The following EYS variants were observed in gnomAD, a reference collection of about 807,000 sequenced individuals.
The protein encoded by EYS is EGF-like photoreceptor maintenance factor.
EYS carries 250 observed loss-of-function variants against 282.1 expected under a neutral mutation model. The ratio of observed to expected loss-of-function variants is 0.89; its 90% CI spans 0.80 to 0.98. The LOEUF is 0.98. EYS is among the 50% of genes least tolerant of loss of function. The probability of loss-of-function intolerance (pLI) is 0.00; values close to 1 mark genes in which losing one functional copy is unlikely to be tolerated. For synonymous variants in EYS, 1,355 were observed against 1,282.9 expected (o/e 1.06, Z -1.20); for missense variants, 4,016 against 3,709.0 (o/e 1.08, Z -2.15).
At position 65,184,543 on chromosome 6, in the gene EYS, G is replaced by A. The variant is rs541033577; in HGVS notation, c.2023+111320C>T. On this transcript the variant is annotated intron_variant, in intron 12 of 42. Transcript: ENST00000503581. The stretch of plus-strand genomic sequence containing the variant: ...TCAAACAAATAAACAGCAACAAACC[G>A]AGAACAAATATATAAATCCTGATTT... Among the ~76,000 whole-genome samples the A allele has an allele frequency of 6.6e-5, 10 of 150,388 alleles. No homozygotes were observed. In the South Asian group the frequency reaches 1.1e-3, roughly 16 times the overall value.
chr6:64,476,750 C>G (rs147644943), intron 26 of EYS, among the ~76,000 whole-genome samples: 70 of 152,152 alleles, frequency 4.6e-4, no homozygotes, highest in African/African-American at 1.6e-3. Context: ...AGGGAACACA[C>G]AAGCATATTT....
chr6:64,163,933 A>G (rs1775188100), intron 31 of EYS, among the ~76,000 whole-genome samples: 3 of 152,132 alleles, frequency 2.0e-5, no homozygotes, highest in Admixed American at 2.0e-4. Context: ...CACATCAGAA[A>G]AAGACCAATT....
At chr6:65,397,314 T>C (rs1459062966) in intron 7 of EYS, among the ~76,000 whole-genome samples, 1 of 151,964 alleles carries the variant, frequency 6.6e-6, no homozygotes, top group Non-Finnish European at 1.5e-5. Flanking sequence ...AGTGTACCCA[T>C]AACCCGAATA....
chr6:64,800,086 G>A (rs1774491643), intron 22 of EYS, among the ~76,000 whole-genome samples: 1 of 151,922 alleles, frequency 6.6e-6, no homozygotes, highest in South Asian at 2.1e-4. Context: ...AAACTTTTAT[G>A]GATAAAGAGA....
intron 12 of EYS, among the ~76,000 whole-genome samples, chr6:65,198,001 A>C (rs950158833): frequency 2.0e-5 from 3 of 152,150 alleles, no homozygotes. Context: ...TATGTTTTAC[A>C]ATTTTTGGAC....
rs571975145 is a variant in EYS, at chr6:65,182,269, T to C, written c.2023+113594A>G. Among the ~76,000 whole-genome samples, 21 of 151,218 alleles carry C rather than the reference T, an allele frequency of 1.4e-4. No individual in the cohort carries two copies. The South Asian group carries it at 4.0e-3, about 28-fold the overall frequency. On this transcript the variant is annotated intron_variant, in intron 12 of 42. Transcript: ENST00000503581. The stretch of plus-strand genomic sequence containing the variant: ...AACTTTAAATAAAGGGGGTGTTAAA[T>C]GTTAAAAGAAAAAAGAGAATGAAAC...
chr6:64,100,801 C>T (rs1219597564), intron 31 of EYS, among the ~76,000 whole-genome samples: 1 of 152,112 alleles, frequency 6.6e-6, no homozygotes, highest in Non-Finnish European at 1.5e-5. Flanking sequence ...GGGGTGGTTA[C>T]TTACCCAACT....
At chr6:64,523,777 G>C (rs1484357427) in intron 26 of EYS, among the ~76,000 whole-genome samples, 1 of 151,648 alleles carries the variant, frequency 6.6e-6, no homozygotes, top group Non-Finnish European at 1.5e-5. Flanking sequence ...ATTTAGAATG[G>C]TGGTAAGATT....
chr6:64,972,995 T>C (rs915970682), intron 14 of EYS, among the ~76,000 whole-genome samples: 1 of 152,078 alleles, frequency 6.6e-6, no homozygotes, highest in African/African-American at 2.4e-5. Context: ...CTGTAGGCAT[T>C]TTAATTTTTC....
Position 65,443,319 on chromosome 6 carries a change from CAT to C in EYS, c.863-37954_863-37953del, listed in dbSNP as rs375650077. 1.3e-4 allele frequency among the ~76,000 whole-genome samples: 13 copies of C among 98,506 alleles called. 2 individuals carry two copies. The highest frequency in any genetic ancestry group is 3.3e-4 in the South Asian group (1 of 3,032). 64.6% of individuals were successfully genotyped at this position (98,506 alleles called of 152,430 possible). On this transcript the variant is annotated intron_variant, in intron 5 of 42. Transcript: ENST00000503581. Reference sequence around the variant, plus strand: ...GCATACATGTGTGTACACATATAGACATATATGCATACATGTATGTACACATA... The same window carrying C: ...GCATACATGTGTGTACACATATAGACATATGCATACATGTATGTACACATA...
In EYS at chr6:64,531,385, TG is replaced by T. The variant is rs1237279918; in HGVS notation, c.5644+58837del. ...ATAAAATTGATGAAAAATTGAGTTT[TG>T]TTTTTTGTTTTTTTTTTTTGAGATG... On this transcript the variant is annotated intron_variant, in intron 26 of 42. Transcript: ENST00000503581. Among the ~76,000 whole-genome samples, 22 of 55,410 alleles carry T rather than the reference TG, an allele frequency of 4.0e-4. No homozygotes were observed. In the East Asian group the frequency reaches 0.016, roughly 40 times the overall value. 36.4% of individuals were successfully genotyped at this position (55,410 alleles called of 152,430 possible). A position where few individuals can be genotyped will look rare whatever the true frequency, so the allele number is the denominator to read the frequency against.
Position 65,569,401 on chromosome 6 carries a change from C to G in EYS, c.-333+70377G>C, listed in dbSNP as rs574675546. Among the ~76,000 whole-genome samples the G allele has an allele frequency of 6.4e-4, 98 of 152,260 alleles. 1 individual carries two copies. The highest frequency in any genetic ancestry group is 1.1e-3 in the Non-Finnish European group (73 of 68,014). On this transcript the variant is annotated intron_variant, in intron 2 of 42. Transcript: ENST00000503581. ...AAGCCTGTTTGGTGATCTCTTCACACGGACACCAGTGAAAATAACAGTTTT... is the reference window on the plus strand; with the variant it reads ...AAGCCTGTTTGGTGATCTCTTCACAGGGACACCAGTGAAAATAACAGTTTT...
chr6:64,040,817 C>G (rs1367555460), intron 33 of EYS, among the ~76,000 whole-genome samples: 1 of 152,188 alleles, frequency 6.6e-6, no homozygotes, highest in African/African-American at 2.4e-5. Flanking sequence ...AGTTTGTCAG[C>G]TCCTTATCCT....
chr6:65,680,818 A>C (rs1171816536), intron 1 of EYS, among the ~76,000 whole-genome samples: 1 of 151,912 alleles, frequency 6.6e-6, no homozygotes, highest in Non-Finnish European at 1.5e-5. Context: ...GGGCTAACTC[A>C]ATTCAATTCA....
chr6:64,141,563 T>G (rs763451198), intron 31 of EYS, among the ~76,000 whole-genome samples: 5 of 152,208 alleles, frequency 3.3e-5, no homozygotes, highest in Non-Finnish European at 7.3e-5. Flanking sequence ...AGATCATTAA[T>G]AGGCATGAAA....
chr6:64,631,624 C>T (rs1767785855), intron 22 of EYS: 1 of 152,040 alleles, frequency 6.6e-6, no homozygotes, highest in African/African-American at 2.4e-5. Context: ...CCTTGTTGGT[C>T]TTTTCCATGG....
chr6:64,750,760 A>G (rs879206989), intron 22 of EYS, among the ~76,000 whole-genome samples: 1 of 152,182 alleles, frequency 6.6e-6, no homozygotes, highest in African/African-American at 2.4e-5. Context: ...CTGTGAGAGT[A>G]TATAGAAGGT....
At chr6:65,241,190 TTAAAA>T (rs1426151916) in intron 12 of EYS, among the ~76,000 whole-genome samples, 1 of 152,172 alleles carries the variant, frequency 6.6e-6, no homozygotes, top group Non-Finnish European at 1.5e-5. Flanking sequence ...TTTCACATTG[TTAAAA>T]TAATATGTTA....
intron 28 of EYS, among the ~76,000 whole-genome samples, chr6:64,427,193 T>C (rs189924300): frequency 1.8e-4 from 28 of 152,322 alleles, no homozygotes; most frequent in Admixed American, 1.4e-3. Flanking sequence ...TACATTTCAG[T>C]GGTTCCTAGA....
Sources: allele counts gnomAD v4.1 joint callset (sites outside exome capture counted in the v4.1 genomes callset), GRCh38; gene constraint gnomAD v4.1.1; transcripts MANE v1.5; gene names NCBI Gene and HGNC (gene_info 2026-07-23, HGNC 2026-07-21).